GABRA5: variants seen among roughly 807,000 people sequenced by gnomAD.
GABRA5 encodes the protein gamma-aminobutyric acid type A receptor subunit alpha5.
GABRA5 carries 18 observed loss-of-function variants against 47.3 expected under a neutral mutation model. That is an observed-to-expected ratio of 0.38 (90% CI 0.26 to 0.56). GABRA5 has a LOEUF of 0.56. GABRA5 is among the 20% of genes least tolerant of loss of function. GABRA5 has a pLI of 0.71. For synonymous variants in GABRA5, 237 were observed against 229.3 expected, an observed-to-expected ratio of 1.03 and a Z score of -0.30; for missense variants, 365 against 599.3, an observed-to-expected ratio of 0.61 and a Z score of 4.08.
chr15:26,942,742 C>T (rs1286752785), intron 9 of GABRA5, among the ~76,000 whole-genome samples: 1 of 152,182 alleles, frequency 6.6e-6, no homozygotes, highest in African/African-American at 2.4e-5. Flanking sequence ...AATCAAGACA[C>T]AGAACATCAG....
chr15:26,906,309 A>T (rs968732943), intron 6 of GABRA5, among the ~76,000 whole-genome samples: 5 of 152,204 alleles, frequency 3.3e-5, no homozygotes, highest in African/African-American at 1.2e-4. Context: ...AAAAACCAAA[A>T]CAATAAAAGC....
upstream of GABRA5, chr15:26,866,926 G>A (rs1229049768): frequency 1.3e-5 from 2 of 152,184 alleles, no homozygotes; most frequent in South Asian, 2.1e-4. Context: ...TGCTGTTGAG[G>A]GCCCTGGAGA....
chr15:26,944,117 G>A lies in GABRA5; in HGVS notation c.1089+691G>A, dbSNP rs1057456576. On this transcript the variant is annotated intron_variant, in intron 10 of 10. Coordinates refer to ENST00000335625, the MANE Select transcript of GABRA5 (RefSeq NM_000810.4). ...GAGAGAACAGGAGGTCAGAGCCATCGGGGCGACCTGAAAGTAAAACTTAAT... is the reference window on the plus strand; with the variant it reads ...GAGAGAACAGGAGGTCAGAGCCATCAGGGCGACCTGAAAGTAAAACTTAAT... Among the ~76,000 whole-genome samples the A allele has an allele frequency of 4.6e-5, 7 of 152,272 alleles. No individual in the cohort carries two copies. In the East Asian group the frequency reaches 9.7e-4, roughly 21 times the overall value.
intron 6 of GABRA5, among the ~76,000 whole-genome samples, chr15:26,901,481 G>C (rs375062541): frequency 2.6e-5 from 4 of 152,216 alleles, no homozygotes; most frequent in African/African-American, 9.6e-5. Context: ...GTTTGTTAAG[G>C]TCTTTTATCA....
intron 6 of GABRA5, among the ~76,000 whole-genome samples, chr15:26,886,441 C>T (rs569012403): frequency 1.4e-4 from 21 of 152,226 alleles, no homozygotes; most frequent in African/African-American, 3.6e-4. Flanking sequence ...GGAATGGGGC[C>T]GCCTACTGAG....
chr15:26,935,201 G>A (rs1045960552), intron 7 of GABRA5, among the ~76,000 whole-genome samples: 8 of 152,174 alleles, frequency 5.3e-5, no homozygotes, highest in Admixed American at 2.0e-4. Context: ...TCCAGCTGAC[G>A]CACTGCAACC....
intron 7 of GABRA5, among the ~76,000 whole-genome samples, chr15:26,934,159 G>A (rs1894176483): frequency 6.6e-6 from 1 of 151,830 alleles, no homozygotes; most frequent in Non-Finnish European, 1.5e-5. Context: ...GGCTGAGGTG[G>A]GAGAATCGCT....
At chr15:26,894,385 G>A (rs888625555) in intron 6 of GABRA5, among the ~76,000 whole-genome samples, 6 of 152,130 alleles carry the variant, frequency 3.9e-5, no homozygotes, top group Non-Finnish European at 8.8e-5. Flanking sequence ...CCGGCCTCGC[G>A]GGCAGCCAGT....
intron 6 of GABRA5, among the ~76,000 whole-genome samples, chr15:26,889,532 T>G (rs149099742): frequency 2.2e-4 from 34 of 152,314 alleles, no homozygotes; most frequent in African/African-American, 7.9e-4. Flanking sequence ...GCTTCATGAT[T>G]GGTAGTCAAT....
intron 6 of GABRA5, among the ~76,000 whole-genome samples, chr15:26,904,622 T>C (rs1265129970): frequency 1.3e-5 from 2 of 152,158 alleles, no homozygotes; most frequent in Non-Finnish European, 2.9e-5. Flanking sequence ...CATTTGTTTG[T>C]ATTGTCTCTG....
At chr15:26,911,069 C>T (rs1166893866) in intron 6 of GABRA5, among the ~76,000 whole-genome samples, 1 of 152,124 alleles carries the variant, frequency 6.6e-6, no homozygotes, top group Non-Finnish European at 1.5e-5. Context: ...TATTTCCTGA[C>T]TGAGGCTGAA....
chr15:26,904,961 C>T (rs1893407898), intron 6 of GABRA5, among the ~76,000 whole-genome samples: 1 of 152,050 alleles, frequency 6.6e-6, no homozygotes, highest in South Asian at 2.1e-4. Context: ...CTTTATCTTG[C>T]CTGATTGCTC....
chr15:26,892,458 G>A (rs1893031917), intron 6 of GABRA5, among the ~76,000 whole-genome samples: 1 of 152,016 alleles, frequency 6.6e-6, no homozygotes, highest in Admixed American at 6.5e-5. Context: ...CCCCGGCCGC[G>A]CGCACATGAC....
At chr15:26,881,054 C>T in intron 4 of GABRA5, 87 bp downstream of exon 4, 2 of 1,445,308 alleles carry the variant, frequency 1.4e-6, no homozygotes, top group Non-Finnish European at 9.3e-7. Flanking sequence ...CTGATTCAAA[C>T]AATTCCTAAA....
intron 9 of GABRA5, among the ~76,000 whole-genome samples, chr15:26,942,398 G>A (rs1894405733): frequency 6.6e-6 from 1 of 152,218 alleles, no homozygotes; most frequent in African/African-American, 2.4e-5. Context: ...CTCTTTGAGG[G>A]AGTGACATGC....
chr15:26,900,081 G>A (rs983863817), intron 6 of GABRA5, among the ~76,000 whole-genome samples: 2 of 151,868 alleles, frequency 1.3e-5, no homozygotes, highest in African/African-American at 4.8e-5. Context: ...TTACCCTGCG[G>A]AATAAAATTA....
Position 26,883,138 on chromosome 15 carries a change from A to G in GABRA5, c.209-28A>G. The G allele has an allele frequency of 6.2e-7, 1 of 1,603,782 alleles. No homozygotes were observed. Among genetic ancestry groups the G allele is most frequent in the Non-Finnish European group, 8.5e-7 (1 of 1,170,572 alleles). On this transcript the variant is annotated intron_variant, in intron 4 of 10. Transcript: ENST00000335625. This position sits in a 1 kb window ranked among gnomAD's most constrained non-coding sequence, Gnocchi z 4.8. ...CCAGACGCGCAGGGTGGGTCGGTGC[A>G]GCCCAGGGACCTGTGTCTGTCTTTC...
intron 9 of GABRA5, among the ~76,000 whole-genome samples, chr15:26,941,645 C>A (rs1208128284): frequency 6.6e-6 from 1 of 152,114 alleles, no homozygotes; most frequent in African/African-American, 2.4e-5. Context: ...AGAAATGTAT[C>A]ATCTCACACT....
At chr15:26,937,350 T>C in intron 8 of GABRA5, 22 bp downstream of exon 8, 2 of 1,584,864 alleles carry the variant, frequency 1.3e-6, no homozygotes, top group Non-Finnish European at 1.7e-6. Context: ...GCACGCGCTG[T>C]GCTGCCAGGC....
Sources: allele counts gnomAD v4.1 joint callset (sites outside exome capture counted in the v4.1 genomes callset), GRCh38; gene constraint gnomAD v4.1.1; non-coding constraint Gnocchi (gnomAD v3.1); transcripts MANE v1.5; gene names NCBI Gene and HGNC (gene_info 2026-07-23, HGNC 2026-07-21).